FTO: variants seen among roughly 807,000 people sequenced by gnomAD.
The protein encoded by FTO is FTO alpha-ketoglutarate dependent dioxygenase, also known as alpha-ketoglutarate-dependent dioxygenase FTO.
In FTO, 47 loss-of-function variants were observed where a neutral mutation model predicts 63.9. The ratio of observed to expected loss-of-function variants is 0.74; its 90% CI spans 0.58 to 0.94. The LOEUF is 0.94. Among genes scored for constraint, FTO ranks in the 40% least tolerant of loss-of-function variants. FTO has a pLI of 0.00. For synonymous variants in FTO, 207 were observed against 224.4 expected, an observed-to-expected ratio of 0.92 and a Z score of 0.69; for missense variants, 562 against 618.1, an observed-to-expected ratio of 0.91 and a Z score of 0.96.
At chr16:53,787,187 A>G (rs1364831751) in intron 1 of FTO, among the ~76,000 whole-genome samples, 1 of 149,210 alleles carries the variant, frequency 6.7e-6, no homozygotes, top group Non-Finnish European at 1.5e-5. Flanking sequence ...TACACCTTCA[A>G]TTTCTAGGGC....
intron 8 of FTO, among the ~76,000 whole-genome samples, chr16:53,972,735 A>G (rs2083354197): frequency 6.6e-6 from 1 of 152,196 alleles, no homozygotes; most frequent in Non-Finnish European, 1.5e-5. Context: ...CATTTTAGGT[A>G]CATCCATCCC....
At chr16:53,854,173 G>GT (rs1276426758) in intron 4 of FTO, among the ~76,000 whole-genome samples, 3 of 151,450 alleles carry the variant, frequency 2.0e-5, no homozygotes, top group African/African-American at 2.4e-5. Flanking sequence ...GGGATTATTT[G>GT]TTTTTTTTCT....
chr16:54,028,564 A>G (rs1460522670), intron 8 of FTO, among the ~76,000 whole-genome samples: 1 of 152,190 alleles, frequency 6.6e-6, no homozygotes, highest in Non-Finnish European at 1.5e-5. Context: ...AAACGATACT[A>G]CCGATTACAA....
chr16:53,903,051 A>G (rs2081442670), intron 7 of FTO, among the ~76,000 whole-genome samples: 5 of 152,134 alleles, frequency 3.3e-5, no homozygotes, highest in African/African-American at 1.2e-4. Flanking sequence ...TGGAGGTTAC[A>G]GTGAGCTGTG....
intron 8 of FTO, among the ~76,000 whole-genome samples, chr16:54,013,916 G>A (rs1275358260): frequency 2.0e-5 from 3 of 152,174 alleles, no homozygotes; most frequent in African/African-American, 7.2e-5. Context: ...TATTGTCAAT[G>A]TGTGCCTGTA....
intron 7 of FTO, chr16:53,911,314 CA>C (rs2151942689): frequency 2.9e-6 from 2 of 698,512 alleles, no homozygotes; most frequent in East Asian, 5.4e-5. Flanking sequence ...AGGCGCAGAA[CA>C]GTCAGTGGAA....
At chr16:54,015,519 CCCATGGCACAAAT>C (rs2084423083) in intron 8 of FTO, among the ~76,000 whole-genome samples, 1 of 40,228 alleles carries the variant, frequency 2.5e-5, no homozygotes, top group Non-Finnish European at 3.8e-5. Flanking sequence ...GGCACAAATG[CCCATGGCACAAAT>C]GCCCATGGCA....
At chr16:54,037,350 C>G (rs1208225196) in intron 8 of FTO, among the ~76,000 whole-genome samples, 1 of 152,034 alleles carries the variant, frequency 6.6e-6, no homozygotes, top group Non-Finnish European at 1.5e-5. Context: ...GTTGAAGTAC[C>G]CAGAGTTCTT....
At chr16:53,939,079 G>A (rs951112437) in intron 8 of FTO, among the ~76,000 whole-genome samples, 1 of 152,014 alleles carries the variant, frequency 6.6e-6, no homozygotes, top group African/African-American at 2.4e-5. Context: ...GCCTGGGAGC[G>A]AGACTCTGTC....
At chr16:53,947,272 G>T (rs571898455) in intron 8 of FTO, among the ~76,000 whole-genome samples, 4 of 152,170 alleles carry the variant, frequency 2.6e-5, no homozygotes, top group Non-Finnish European at 5.9e-5. Context: ...TTGCAGGCAG[G>T]AAGAGGCAGG....
chr16:53,753,908 G>C (rs370394431), intron 1 of FTO, among the ~76,000 whole-genome samples: 17 of 152,124 alleles, frequency 1.1e-4, no homozygotes, highest in African/African-American at 3.4e-4. Context: ...TCTACCTTCT[G>C]ACCCACAGCC....
At chr16:53,967,666 G>A (rs1181985426) in intron 8 of FTO, among the ~76,000 whole-genome samples, 1 of 152,226 alleles carries the variant, frequency 6.6e-6, no homozygotes, top group Non-Finnish European at 1.5e-5. Flanking sequence ...GGGTTGTGTT[G>A]CACTGGGTGT....
chr16:53,844,252 T>C lies in FTO; in HGVS notation c.849T>C (p.Pro283=), dbSNP rs2079555940. 1 of 1,613,598 alleles carries C rather than the reference T, an allele frequency of 6.2e-7. No homozygotes were observed. The highest frequency in any genetic ancestry group is 1.3e-5 in the African/African-American group (1 of 74,916). The part of the protein sequence containing the change: ...GFKISWDIET[P]GLAIPLHQGD... The stretch of plus-strand genomic sequence containing the variant: ...AGATCTCATGGGACATAGAGACACC[T>C]GGTTTGGCGATACCCCTTCACCAAG... Residue 283 remains proline, a synonymous_variant, in exon 4 of 9, where the codon CCT becomes CCC. Transcript: ENST00000471389.
At chr16:53,775,466 C>CT (rs1451740154) in intron 1 of FTO, among the ~76,000 whole-genome samples, 1 of 152,130 alleles carries the variant, frequency 6.6e-6, no homozygotes, top group Non-Finnish European at 1.5e-5. Flanking sequence ...CTTTTGGTTT[C>CT]TTTCACCGTA....
rs1433353553 is a variant in FTO at position 54,114,766 on chromosome 16, G to A, written c.*2851G>A. The A allele has an allele frequency of 1.3e-5, 2 of 152,320 alleles. No individual in the cohort carries two copies. The highest frequency in any genetic ancestry group is 2.4e-5 in the African/African-American group (1 of 41,430). 9.4% of individuals were successfully genotyped at this position (152,320 alleles called of 1,614,324 possible). A position where few individuals can be genotyped will look rare whatever the true frequency, so the allele number is the denominator to read the frequency against. On this transcript the variant is annotated 3_prime_UTR_variant, in exon 9 of 9. Transcript: ENST00000471389. ...CTGAAAACACAAAAATTAGCTGGGT[G>A]TGGTGGTGTGTGCCTGTAATCCCAG... is the stretch of plus-strand genomic sequence containing the variant.
chr16:53,762,975 A>G (rs907106107), intron 1 of FTO, among the ~76,000 whole-genome samples: 1 of 30,302 alleles, frequency 3.3e-5, no homozygotes, highest in Non-Finnish European at 7.8e-5. Flanking sequence ...AGAACTGAAT[A>G]TAGCCTGATA....
At chr16:53,778,169 G>A (rs989003926) in intron 1 of FTO, among the ~76,000 whole-genome samples, 1 of 152,052 alleles carries the variant, frequency 6.6e-6, no homozygotes, top group Admixed American at 6.5e-5. Context: ...AAAGAACATA[G>A]CAACTAGTAA....
In FTO at chr16:54,030,650, T is replaced by G. The variant is rs565134306; in HGVS notation, c.1365-81112T>G. ...AGACCAACCAGTTTTGACCAAGCACTTCCTCTCTTCAAGGCTATGTTTAGT... is the reference window on the plus strand; with the variant it reads ...AGACCAACCAGTTTTGACCAAGCACGTCCTCTCTTCAAGGCTATGTTTAGT... On this transcript the variant is annotated intron_variant, in intron 8 of 8. Coordinates refer to ENST00000471389, the MANE Select transcript of FTO (RefSeq NM_001080432.3). 1.1e-4 allele frequency among the ~76,000 whole-genome samples: 16 copies of G among 152,282 alleles called. 1 individual carries two copies. In the South Asian group the frequency reaches 3.1e-3, roughly 30 times the overall value.
chr16:53,879,761 A>G (rs554973672), intron 5 of FTO, 83 bp from the exon 6 acceptor site: 8 of 1,507,004 alleles, frequency 5.3e-6, no homozygotes, highest in African/African-American at 2.8e-5. Flanking sequence ...ACAGCCAGGG[A>G]CAAATATGAA....
Sources: allele counts gnomAD v4.1 joint callset (sites outside exome capture counted in the v4.1 genomes callset), GRCh38; gene constraint gnomAD v4.1.1; transcripts MANE v1.5; gene names NCBI Gene and HGNC (gene_info 2026-07-23, HGNC 2026-07-21).